The following SCNN1D variants were observed in gnomAD, a reference collection of about 807,000 sequenced individuals.
The protein encoded by SCNN1D is sodium channel epithelial 1 subunit delta, also known as epithelial sodium channel subunit delta.
Under a neutral mutation model 87.8 loss-of-function variants are expected in SCNN1D, and 104 were observed. The ratio of observed to expected loss-of-function variants is 1.18; its 90% CI spans 1.01 to 1.39. The LOEUF (loss-of-function observed/expected upper bound fraction) is 1.39, where lower values mean the gene tolerates loss of function less well. SCNN1D is among the 40% of genes most tolerant of loss of function. The pLI is 0.00. For synonymous variants in SCNN1D, 628 were observed against 481.2 expected (o/e 1.31, Z -3.99); for missense variants, 1,324 against 1,093.9 (o/e 1.21, Z -2.97).
chr1:1,291,843 C>G lies in SCNN1D; in HGVS notation c.*233C>G. On this transcript the variant is annotated 3_prime_UTR_variant, in exon 18 of 18. Transcript: ENST00000379116. ...GGGGGTTCCCGCGTGCACACGAGTG[C>G]GGCTGGACGTGCCGACACGCGGTGA... The G allele has an allele frequency of 2.3e-6, 1 of 434,534 alleles. No homozygotes were observed. Among genetic ancestry groups the G allele is most frequent in the Non-Finnish European group, 4.1e-6 (1 of 246,492 alleles). 26.9% of individuals were successfully genotyped at this position (434,534 alleles called of 1,614,324 possible). A position where few individuals can be genotyped will look rare whatever the true frequency, so the allele number is the denominator to read the frequency against.
intron 4 of SCNN1D, 34 bp downstream of exon 4, chr1:1,282,349 C>G: frequency 6.5e-7 from 1 of 1,548,898 alleles, no homozygotes; most frequent in Non-Finnish European, 8.7e-7. Flanking sequence ...AGCCATGGCT[C>G]TGCTGCTGGA....
chr1:1,288,227 C>CCCTGCTCCGTCCCGTG lies in SCNN1D; in HGVS notation c.1662+190_1662+191insCCTGCTCCGTCCCGTG, dbSNP rs1557584204. The stretch of plus-strand genomic sequence containing the variant: ...CCTGTGTCTCTGCTCCGTCCCGTGT[C>CCCTGCTCCGTCCCGTG]TCTGCTCCGTCCCGTGTCTCTGCTC... On this transcript the variant is annotated intron_variant, in intron 12 of 17. Coordinates refer to ENST00000379116, the MANE Select transcript of SCNN1D (RefSeq NM_001130413.4). 1.8e-3 allele frequency among the ~76,000 whole-genome samples: 248 copies of CCCTGCTCCGTCCCGTG among 136,024 alleles called. 8 individuals carry two copies. Among genetic ancestry groups the CCCTGCTCCGTCCCGTG allele is most frequent in the Non-Finnish European group, 3.0e-3 (190 of 62,496 alleles). 89.2% of individuals were successfully genotyped at this position (136,024 alleles called of 152,430 possible).
rs1640476236 is a variant in SCNN1D at position 1,281,783 on chromosome 1, G to C, written c.277+173G>C. The C allele has an allele frequency of 4.7e-6, 3 of 638,754 alleles. No homozygotes were observed. The South Asian group carries it at 5.9e-5, about 13-fold the overall frequency. The allele number at this position is 638,754 out of a possible 1,614,324, so 39.6% of individuals were successfully genotyped here. Reference sequence around the variant, plus strand: ...GCTCCCCCTCCTACAGGAAGCCGGGGGCCTTGCTCCTGCAAGCTGCCCTTT... The same window carrying C: ...GCTCCCCCTCCTACAGGAAGCCGGGCGCCTTGCTCCTGCAAGCTGCCCTTT... On this transcript the variant is annotated intron_variant, in intron 3 of 17. Transcript: ENST00000379116.
chr1:1,290,181 G>A lies in SCNN1D; in HGVS notation c.1663-90G>A, dbSNP rs576242962. ...CTGCTCCGTCCCGTGTCCCTGCTCCGTCCCGTGTCCCTGCTCCGTCCCGTG... is the reference window on the plus strand; with the variant it reads ...CTGCTCCGTCCCGTGTCCCTGCTCCATCCCGTGTCCCTGCTCCGTCCCGTG... On this transcript the variant is annotated intron_variant, in intron 12 of 17. Transcript: ENST00000379116. The A allele has an allele frequency of 1.3e-4, 95 of 707,330 alleles. 6 individuals are homozygous for A. The highest frequency in any genetic ancestry group is 4.5e-4 in the South Asian group (22 of 48,706). The allele number at this position is 707,330 out of a possible 1,614,324, so 43.8% of individuals were successfully genotyped here.
Position 1,291,383 on chromosome 1 carries a change from C to A in SCNN1D, c.2182C>A (p.Arg728=), listed in dbSNP as rs373013531. 5 of 1,608,564 alleles carry A rather than the reference C, an allele frequency of 3.1e-6. No individual in the cohort carries two copies. The highest frequency in any genetic ancestry group is 4.2e-6 in the Non-Finnish European group (5 of 1,178,552). ...CCTCACCCTGGTGCTAGGCGGCCGC[C>A]GGCTCCGCAGGGCGTGGTTCTCCTG... ...SALTLVLGGR[R]LRRAWFSWPR... Residue 728 remains arginine, a synonymous_variant, in exon 18 of 18, where the codon CGG becomes AGG. Transcript: ENST00000379116.
At chr1:1,284,603 G>A (rs868272776) in intron 5 of SCNN1D, among the ~76,000 whole-genome samples, 14 of 146,562 alleles carry the variant, frequency 9.6e-5, no homozygotes, top group East Asian at 2.1e-4. Flanking sequence ...GCTGGACCAC[G>A]GGGGGTGCCG....
rs568895628 is a variant in SCNN1D, at chr1:1,281,223, C to T, written c.6-3C>T. Reference sequence around the variant, plus strand: ...ACAGATGCCAGGCGCCTGCCATCTCCAGGGCAGTGCTGTCACAGAAGACAA... The same window carrying T: ...ACAGATGCCAGGCGCCTGCCATCTCTAGGGCAGTGCTGTCACAGAAGACAA... On this transcript the variant is annotated splice_region_variant and splice_polypyrimidine_tract_variant and intron_variant, in intron 1 of 17. Transcript: ENST00000379116. 1.8e-4 allele frequency: 272 copies of T among 1,535,230 alleles called. No individual in the cohort carries two copies. In the African/African-American group the frequency reaches 3.3e-3, roughly 19 times the overall value.
At position 1,290,706 on chromosome 1, in the gene SCNN1D, A is replaced by G. The variant is rs1031504456; in HGVS notation, c.1917+12A>G. The stretch of plus-strand genomic sequence containing the variant: ...CCGCCAAGTCAGCTGTGAGTCCCCA[A>G]AGTGGTGGGGTGGGGGTGTGGACAG... On this transcript the variant is annotated intron_variant, in intron 15 of 17. Transcript: ENST00000379116. The G allele has an allele frequency of 6.2e-7, 1 of 1,612,470 alleles. No homozygotes were observed. The highest frequency in any genetic ancestry group is 1.1e-5 in the South Asian group (1 of 91,072).
Position 1,290,626 on chromosome 1 carries a change from G to A in SCNN1D, c.1860-11G>A, listed in dbSNP as rs1419226982. The A allele has an allele frequency of 3.1e-6, 5 of 1,612,496 alleles. No individual in the cohort carries two copies. Among genetic ancestry groups the A allele is most frequent in the Non-Finnish European group, 4.2e-6 (5 of 1,179,930 alleles). ...GTAGCGTGGCAGGTGACACCCGGCT[G>A]TCTCTTCCAGGGAGTCTGCATTCAA... On this transcript the variant is annotated splice_polypyrimidine_tract_variant and intron_variant, in intron 14 of 17. Coordinates refer to ENST00000379116, the MANE Select transcript of SCNN1D (RefSeq NM_001130413.4).
In SCNN1D at chr1:1,291,623, A is replaced by G. The variant is rs746561867; in HGVS notation, c.*13A>G. On this transcript the variant is annotated 3_prime_UTR_variant, in exon 18 of 18. Coordinates refer to ENST00000379116, the MANE Select transcript of SCNN1D (RefSeq NM_001130413.4). ...TCTGGACACCTGAACCAGACCTGCC[A>G]GGGCTGTGCGATCTCTTGGCCTGGT... 6.7e-7 allele frequency: 1 copy of G among 1,502,992 alleles called. No individual in the cohort carries two copies. Among genetic ancestry groups the G allele is most frequent in the East Asian group, 2.3e-5 (1 of 43,036 alleles). The allele number at this position is 1,502,992 out of a possible 1,614,324, so 93.1% of individuals were successfully genotyped here.
intron 12 of SCNN1D, among the ~76,000 whole-genome samples, chr1:1,288,437 T>TCC (rs200393449): frequency 4.8e-5 from 2 of 41,608 alleles, no homozygotes; most frequent in Non-Finnish European, 7.5e-5. Flanking sequence ...CCCTGCTCCG[T>TCC]CCCGTGTCTC....
rs2100322479 is a variant in SCNN1D, at chr1:1,285,628, A to G, written c.522A>G (p.Arg174=). 6.5e-7 allele frequency: 1 copy of G among 1,547,740 alleles called. No individual in the cohort carries two copies. Among genetic ancestry groups the G allele is most frequent in the African/African-American group, 1.4e-5 (1 of 73,110 alleles). Residue 174 remains arginine (R), a synonymous_variant, in exon 6 of 18, where the codon AGA becomes AGG. Coordinates refer to ENST00000379116, the MANE Select transcript of SCNN1D (RefSeq NM_001130413.4). ...GCCACCTGAAGGGATGGCAGCACAG[A>G]CCCACTCAGCACAACGCTGCCTGCA... ...RPCHLKGWQH[R]PTQHNAACKQ...
intron 3 of SCNN1D, 163 bp from the exon 4 acceptor site, chr1:1,282,079 G>A (rs974636523): frequency 3.2e-6 from 2 of 620,900 alleles, no homozygotes; most frequent in East Asian, 2.8e-5. Context: ...TGTGTCCGGG[G>A]GCCCTGCCGC....
At chr1:1,282,075 CG>C in intron 3 of SCNN1D, 166 bp from the exon 4 acceptor site, 1 of 620,074 alleles carries the variant, frequency 1.6e-6, no homozygotes, top group Admixed American at 2.8e-5. Context: ...GTGCTGTGTC[CG>C]GGGGCCCTGC....
In SCNN1D at chr1:1,281,464, G is replaced by C. The variant is rs772819562; in HGVS notation, c.131G>C (p.Gly44Ala). The change falls in exon 3 of 18, where the codon GGT becomes GCT. Residue 44 changes from glycine to alanine, a missense_variant. Transcript: ENST00000379116. ...DHRTPTCREL[G>A]SPHPTPCTGP... ...AGGACCCCCACATGCCGGGAGCTGG[G>C]TTCGCCCCACCCCACCCCCTGCACC... 1.3e-6 allele frequency: 2 copies of C among 1,521,620 alleles called. No individual in the cohort carries two copies. Among genetic ancestry groups the C allele is most frequent in the Non-Finnish European group, 1.8e-6 (2 of 1,139,212 alleles). The allele number at this position is 1,521,620 out of a possible 1,614,324, so 94.3% of individuals were successfully genotyped here.
In SCNN1D at chr1:1,291,554, G is replaced by C; in HGVS notation, c.2353G>C (p.Val785Leu). The change falls in exon 18 of 18, where the codon GTC becomes CTC. Residue 785 changes from valine (V) to leucine (L), a missense_variant. Physicochemically the swap from Val to Leu is conservative, Grantham distance 32 (BLOSUM62 1). Transcript: ENST00000379116. ...GATGCTTCCAGGGGTTCTGGCGGGAGTCTCAGCCGAAGAGAGCTGGGCTGG... is the reference window on the plus strand; with the variant it reads ...GATGCTTCCAGGGGTTCTGGCGGGACTCTCAGCCGAAGAGAGCTGGGCTGG... ...RVMLPGVLAG[V>L]SAEESWAGPQ... 1 of 1,591,772 alleles carries C rather than the reference G, an allele frequency of 6.3e-7. No individual in the cohort carries two copies. Among genetic ancestry groups the C allele is most frequent in the Non-Finnish European group, 8.6e-7 (1 of 1,165,916 alleles).
At chr1:1,282,873 CT>C (rs1640500020) in intron 4 of SCNN1D, among the ~76,000 whole-genome samples, 1 of 152,114 alleles carries the variant, frequency 6.6e-6, no homozygotes, top group African/African-American at 2.4e-5. Flanking sequence ...CTGCCTCAGC[CT>C]CCCCAGTAGC....
chr1:1,288,636 T>C (rs1392814296), intron 12 of SCNN1D, among the ~76,000 whole-genome samples: 7 of 117,160 alleles, frequency 6.0e-5, no homozygotes, highest in South Asian at 6.0e-4. Context: ...CCCCCGTGTC[T>C]CTGCCCCGTC....
intron 1 of SCNN1D, 136 bp from the exon 2 acceptor site, chr1:1,281,090 A>T: frequency 1.2e-6 from 1 of 827,534 alleles, no homozygotes; most frequent in Non-Finnish European, 1.9e-6. Flanking sequence ...CTGCCTGTCT[A>T]TTGCACCAGA....
Sources: allele counts gnomAD v4.1 joint callset (sites outside exome capture counted in the v4.1 genomes callset), GRCh38; gene constraint gnomAD v4.1.1; transcripts MANE v1.5; gene names NCBI Gene and HGNC (gene_info 2026-07-23, HGNC 2026-07-21).